Variants in ADAMTSL1 observed in about 807,000 individuals in gnomAD.
ADAMTSL1 encodes ADAMTS like 1.
A neutral mutation model predicts 201.8 loss-of-function variants in ADAMTSL1; 126 were observed. The ratio of observed to expected loss-of-function variants is 0.62; its 90% CI spans 0.54 to 0.72. The LOEUF (loss-of-function observed/expected upper bound fraction) is 0.72. Among genes scored for constraint, ADAMTSL1 ranks in the 30% least tolerant of loss-of-function variants. ADAMTSL1 has a pLI of 0.00. For synonymous variants in ADAMTSL1, 1,121 were observed against 903.4 expected, an observed-to-expected ratio of 1.24 and a Z score of -4.32; for missense variants, 2,679 against 2,277.8, an observed-to-expected ratio of 1.18 and a Z score of -3.59.
chr9:18,549,977 T>A (rs373477430), intron 3 of ADAMTSL1, among the ~76,000 whole-genome samples: 41 of 152,104 alleles, frequency 2.7e-4, no homozygotes, highest in African/African-American at 9.4e-4. Context: ...GCTGAGAAGC[T>A]CTGTTCTATC....
At chr9:18,201,363 C>T (rs1829437610) in intron 2 of ADAMTSL1, among the ~76,000 whole-genome samples, 2 of 152,012 alleles carry the variant, frequency 1.3e-5, no homozygotes, top group South Asian at 4.1e-4. Flanking sequence ...TTAAGAAGAG[C>T]ATGCTTTGTT....
chr9:17,995,433 T>C (rs1173926766), intron 1 of ADAMTSL1, among the ~76,000 whole-genome samples: 1 of 152,142 alleles, frequency 6.6e-6, no homozygotes, highest in Non-Finnish European at 1.5e-5. Flanking sequence ...GCAAGGCAAG[T>C]AGCTTGAAGT....
At chr9:18,880,703 A>T (rs1431547947) in intron 23 of ADAMTSL1, among the ~76,000 whole-genome samples, 1 of 152,204 alleles carries the variant, frequency 6.6e-6, no homozygotes, top group Non-Finnish European at 1.5e-5. Context: ...GGAACTAGAG[A>T]TGACCATTGG....
In ADAMTSL1 at chr9:18,910,885, T is replaced by C. The variant is rs1830563357; in HGVS notation, c.*2337T>C. On this transcript the variant is annotated 3_prime_UTR_variant, in exon 29 of 29. Transcript: ENST00000380548. ...GCTGGCTAATGTGGAAGGAGGCACT[T>C]TCTCCTCTAAAACACAAAACTGTAT... The C allele has an allele frequency of 6.6e-6, 1 of 152,224 alleles. No individual in the cohort carries two copies. Among genetic ancestry groups the C allele is most frequent in the East Asian group, 1.9e-4 (1 of 5,204 alleles). 9.4% of individuals were successfully genotyped at this position (152,224 alleles called of 1,614,324 possible).
chr9:18,414,484 C>G (rs1266035300), intron 2 of ADAMTSL1, among the ~76,000 whole-genome samples: 1 of 152,014 alleles, frequency 6.6e-6, no homozygotes, highest in Admixed American at 6.6e-5. Flanking sequence ...ATGCGTGAAA[C>G]AACCAAAAAA....
intron 1 of ADAMTSL1, among the ~76,000 whole-genome samples, chr9:18,067,049 A>AT (rs752120434): frequency 3.3e-5 from 5 of 152,104 alleles, no homozygotes; most frequent in Non-Finnish European, 7.4e-5. Context: ...ATGACGAGTT[A>AT]ATGGGTGCAT....
intron 2 of ADAMTSL1, among the ~76,000 whole-genome samples, chr9:18,362,560 A>C (rs1836576352): frequency 1.3e-5 from 2 of 152,204 alleles, no homozygotes; most frequent in African/African-American, 2.4e-5. Flanking sequence ...TTTTGCTGGC[A>C]GTTCACTCTG....
Position 18,718,480 on chromosome 9 carries a change from C to T in ADAMTSL1, c.1877-3056C>T, listed in dbSNP as rs1057206228. 3 of 577,932 alleles carry T rather than the reference C, an allele frequency of 5.2e-6. No homozygotes were observed. The African/African-American group carries it at 5.6e-5, about 11-fold the overall frequency. The allele number at this position is 577,932 out of a possible 1,614,324, so 35.8% of individuals were successfully genotyped here. A position where few individuals can be genotyped will look rare whatever the true frequency, so the allele number is the denominator to read the frequency against. On this transcript the variant is annotated intron_variant, in intron 14 of 28. Transcript: ENST00000380548. ...GAACAAATTGTACATTCAAAGCAGA[C>T]TTTCCAACGCCTCCTGGGCCAAGAA...
intron 2 of ADAMTSL1, among the ~76,000 whole-genome samples, chr9:18,201,685 C>T (rs1416683338): frequency 6.6e-6 from 1 of 152,064 alleles, no homozygotes; most frequent in Admixed American, 6.6e-5. Context: ...AACCATTTTA[C>T]TCTGCTCTCA....
intron 1 of ADAMTSL1, among the ~76,000 whole-genome samples, chr9:17,982,021 C>T (rs1354473875): frequency 6.6e-6 from 1 of 152,148 alleles, no homozygotes; most frequent in Non-Finnish European, 1.5e-5. Context: ...CACTCAGATG[C>T]ACTTAAAAAG....
intron 1 of ADAMTSL1, among the ~76,000 whole-genome samples, chr9:18,071,678 G>C (rs539437810): frequency 2.3e-4 from 35 of 152,332 alleles, no homozygotes; most frequent in African/African-American, 7.9e-4. Flanking sequence ...CAGGAAGGGA[G>C]TGTGTCCTCT....
chr9:18,662,105 A>C (rs1423145310), intron 9 of ADAMTSL1, 32 bp downstream of exon 9: 1 of 1,596,662 alleles, frequency 6.3e-7, no homozygotes, highest in Non-Finnish European at 8.5e-7. Context: ...ATTTGTCATA[A>C]ACATAACTCA....
At chr9:18,869,396 C>G (rs1827747110) in intron 23 of ADAMTSL1, among the ~76,000 whole-genome samples, 1 of 152,232 alleles carries the variant, frequency 6.6e-6, no homozygotes, top group South Asian at 2.1e-4. Flanking sequence ...GCAGAGCTCA[C>G]CTAGTCTGTT....
At chr9:18,255,298 G>T (rs1175702373) in intron 2 of ADAMTSL1, among the ~76,000 whole-genome samples, 1 of 152,132 alleles carries the variant, frequency 6.6e-6, no homozygotes, top group Non-Finnish European at 1.5e-5. Context: ...GCGTATAAGC[G>T]GCAGGCGTAT....
At chr9:18,067,336 G>A (rs1271715303) in intron 1 of ADAMTSL1, among the ~76,000 whole-genome samples, 1 of 152,040 alleles carries the variant, frequency 6.6e-6, no homozygotes, top group Non-Finnish European at 1.5e-5. Flanking sequence ...TATAATGCAT[G>A]GAACAATACC....
intron 2 of ADAMTSL1, among the ~76,000 whole-genome samples, chr9:18,520,914 C>G (rs1818651484): frequency 6.6e-6 from 1 of 152,152 alleles, no homozygotes; most frequent in Non-Finnish European, 1.5e-5. Context: ...GCGTGGGATT[C>G]AGGGACCTTT....
intron 1 of ADAMTSL1, among the ~76,000 whole-genome samples, chr9:18,110,465 A>G (rs1824957610): frequency 1.3e-5 from 2 of 152,306 alleles, no homozygotes; most frequent in East Asian, 1.9e-4. Flanking sequence ...CAAGGGATAA[A>G]GCCCTAAGAT....
chr9:17,936,190 C>A (rs1452301819), intron 1 of ADAMTSL1, among the ~76,000 whole-genome samples: 1 of 152,146 alleles, frequency 6.6e-6, no homozygotes, highest in Admixed American at 6.6e-5. Context: ...AATTTCCTTG[C>A]TATTTACTGG....
intron 2 of ADAMTSL1, among the ~76,000 whole-genome samples, chr9:18,197,592 G>A (rs1234382985): frequency 2.0e-5 from 3 of 147,116 alleles, no homozygotes; most frequent in Admixed American, 6.9e-5. Context: ...GAGACAATGC[G>A]GTTTTCTAGA....
Sources: allele counts gnomAD v4.1 joint callset (sites outside exome capture counted in the v4.1 genomes callset), GRCh38; gene constraint gnomAD v4.1.1; transcripts MANE v1.5; gene names NCBI Gene and HGNC (gene_info 2026-07-23, HGNC 2026-07-21).